KSR2: variants seen among roughly 807,000 people sequenced by gnomAD.
The protein encoded by KSR2 is kinase suppressor of ras 2.
KSR2 carries 25 observed loss-of-function variants against 107.8 expected under a neutral mutation model. That is an observed-to-expected ratio of 0.23 (90% confidence interval 0.17 to 0.32). The LOEUF is 0.32. Among genes scored for constraint, KSR2 ranks in the 10% least tolerant of loss-of-function variants. The pLI, the probability that KSR2 is intolerant of heterozygous loss-of-function variation, is 1.00. For missense variants in KSR2, 887 were observed against 1,268.9 expected (o/e 0.70, Z 4.57); for synonymous variants, 480 against 507.0 (o/e 0.95, Z 0.71).
At position 117,927,089 on chromosome 12, in the gene KSR2, T is replaced by C. The variant is rs1015184663; in HGVS notation, c.180+40987A>G. On this transcript the variant is annotated intron_variant, in intron 1 of 19. Coordinates refer to ENST00000339824, the MANE Select transcript of KSR2 (RefSeq NM_173598.6). ...TATAATTTTTTTAAAAAAAGGACCA[T>C]GGCCGGGCACGGTGGCTCTTGCCTG... Among the ~76,000 whole-genome samples the C allele has an allele frequency of 4.9e-4, 75 of 152,074 alleles. 3 individuals carry two copies. Among genetic ancestry groups the C allele is most frequent in the South Asian group, 2.1e-4 (1 of 4,826 alleles).
At chr12:117,882,512 T>G (rs941459172) in intron 1 of KSR2, among the ~76,000 whole-genome samples, 1 of 151,752 alleles carries the variant, frequency 6.6e-6, no homozygotes, top group Non-Finnish European at 1.5e-5. Context: ...CATCCATCCA[T>G]CCACTCATCC....
chr12:117,958,683 C>T (rs1363640772), intron 1 of KSR2, among the ~76,000 whole-genome samples: 3 of 151,922 alleles, frequency 2.0e-5, no homozygotes, highest in East Asian at 3.9e-4. Context: ...CAGCTGGGTG[C>T]GGTGGAATGC....
intron 5 of KSR2, among the ~76,000 whole-genome samples, chr12:117,626,566 GAGAC>G (rs1183120097): frequency 6.6e-6 from 1 of 152,226 alleles, no homozygotes; most frequent in Non-Finnish European, 1.5e-5. Flanking sequence ...TGTCGTCTGA[GAGAC>G]AGTTTGTTGT....
intron 14 of KSR2, among the ~76,000 whole-genome samples, chr12:117,510,968 G>A (rs548507173): frequency 6.6e-6 from 1 of 151,638 alleles, no homozygotes; most frequent in African/African-American, 2.4e-5. Context: ...TATTTTCAGA[G>A]CCTTATGTCT....
intron 4 of KSR2, among the ~76,000 whole-genome samples, chr12:117,720,544 C>T (rs1887165917): frequency 6.6e-6 from 1 of 152,216 alleles, no homozygotes; most frequent in Non-Finnish European, 1.5e-5. Context: ...TCCTGATTGG[C>T]ATCCCTGTAA....
rs1224394859 is a variant in KSR2 at position 117,462,263 on chromosome 12, A to C, written c.*4936T>G. On this transcript the variant is annotated 3_prime_UTR_variant, in exon 20 of 20. Transcript: ENST00000339824. ...AAAAAAAAAAAAAAAAAAAAAAGAC[A>C]TGTTGAAGTCCTCATTCCTAGTACC... 7.1e-6 allele frequency: 1 copy of C among 141,230 alleles called. No individual in the cohort carries two copies. The highest frequency in any genetic ancestry group is 7.1e-5 in the Admixed American group (1 of 14,108). The allele number at this position is 141,230 out of a possible 1,614,324, so 8.7% of individuals were successfully genotyped here.
chr12:117,538,947 T>C (rs541505146), intron 10 of KSR2, among the ~76,000 whole-genome samples: 3 of 152,024 alleles, frequency 2.0e-5, no homozygotes, highest in African/African-American at 7.2e-5. Context: ...CTGGAAGAGA[T>C]GGGGAGATTC....
chr12:117,592,166 C>T (rs1360350981), intron 5 of KSR2, among the ~76,000 whole-genome samples: 3 of 150,634 alleles, frequency 2.0e-5, no homozygotes, highest in East Asian at 2.0e-4. Context: ...CAGGCTGGAG[C>T]GCAATGGAGC....
intron 14 of KSR2, among the ~76,000 whole-genome samples, chr12:117,516,255 C>T (rs4767551): frequency 0.42 from 64,002 of 151,850 alleles, 13,635 homozygotes; most frequent in South Asian, 0.55. Flanking sequence ...CCCAACCTTT[C>T]GTCCAAGCTT....
Position 117,770,054 on chromosome 12 carries a change from C to CAAA in KSR2, c.473-8533_473-8531dup, listed in dbSNP as rs57470150. ...GGATGACAAGAGTGAAACTCCATCTCAAAAAAAAAAAAAGAATCATCCAGT... is the reference window on the plus strand; with the variant it reads ...GGATGACAAGAGTGAAACTCCATCTCAAAAAAAAAAAAAAAAGAATCATCCAGT... On this transcript the variant is annotated intron_variant, in intron 3 of 19. Coordinates refer to ENST00000339824, the MANE Select transcript of KSR2 (RefSeq NM_173598.6). Among the ~76,000 whole-genome samples, 276 of 137,858 alleles carry CAAA rather than the reference C, an allele frequency of 2.0e-3. 1 individual carries two copies. Among genetic ancestry groups the CAAA allele is most frequent in the African/African-American group, 6.9e-3 (264 of 38,370 alleles). 90.4% of individuals were successfully genotyped at this position (137,858 alleles called of 152,430 possible).
At chr12:117,877,141 A>T (rs940715215) in intron 1 of KSR2, among the ~76,000 whole-genome samples, 10 of 152,192 alleles carry the variant, frequency 6.6e-5, no homozygotes, top group Non-Finnish European at 1.0e-4. Flanking sequence ...GTTCAAGACC[A>T]GCCTGGCCAA....
In KSR2 at chr12:117,579,329, G is replaced by A. The variant is rs1879498193; in HGVS notation, c.1242-127C>T. ...TCCAGTCCTGTTTCTTTCGAGCTGT[G>A]TGACTTAATCAAGTTGCTTAAACCA... On this transcript the variant is annotated intron_variant, in intron 6 of 19. Coordinates refer to ENST00000339824, the MANE Select transcript of KSR2 (RefSeq NM_173598.6). The A allele has an allele frequency of 1.5e-5, 11 of 719,292 alleles. 1 individual carries two copies. The South Asian group carries it at 1.8e-4, about 11-fold the overall frequency. 44.6% of individuals were successfully genotyped at this position (719,292 alleles called of 1,614,324 possible).
At chr12:117,951,052 C>T (rs1277571979) in intron 1 of KSR2, among the ~76,000 whole-genome samples, 5 of 151,828 alleles carry the variant, frequency 3.3e-5, no homozygotes, top group African/African-American at 4.8e-5. Context: ...GGACTACAGG[C>T]GCCCGCCACC....
At chr12:117,639,436 TC>T (rs1433983854) in intron 5 of KSR2, among the ~76,000 whole-genome samples, 4 of 151,168 alleles carry the variant, frequency 2.6e-5, no homozygotes, top group African/African-American at 9.7e-5. Flanking sequence ...TTCAAGCAAT[TC>T]TCGTGCCTCA....
At chr12:117,562,963 G>A (rs941990849) in intron 7 of KSR2, among the ~76,000 whole-genome samples, 1 of 152,062 alleles carries the variant, frequency 6.6e-6, no homozygotes, top group Admixed American at 6.5e-5. Context: ...TAATAGAGTC[G>A]GCAGGATTAG....
chr12:117,704,067 G>A (rs1231001459), intron 4 of KSR2, among the ~76,000 whole-genome samples: 1 of 152,048 alleles, frequency 6.6e-6, no homozygotes, highest in East Asian at 1.9e-4. Flanking sequence ...TCCAATAGAA[G>A]ACCTATAATC....
At chr12:117,695,721 A>AC (rs1484546929) in intron 4 of KSR2, among the ~76,000 whole-genome samples, 4 of 151,926 alleles carry the variant, frequency 2.6e-5, no homozygotes, top group African/African-American at 4.8e-5. Flanking sequence ...AAACAAACAA[A>AC]AAAAAAAACA....
chr12:117,524,478 C>G (rs900488974), intron 14 of KSR2, among the ~76,000 whole-genome samples: 11 of 151,960 alleles, frequency 7.2e-5, no homozygotes, highest in African/African-American at 2.7e-4. Context: ...CCATCCTGGG[C>G]AACATAGCAA....
chr12:117,557,106 A>T (rs1001809540), intron 8 of KSR2, among the ~76,000 whole-genome samples: 1 of 152,198 alleles, frequency 6.6e-6, no homozygotes, highest in Non-Finnish European at 1.5e-5. Context: ...CAGAGGTTGC[A>T]GTGAGCTGAG....
Sources: allele counts gnomAD v4.1 joint callset (sites outside exome capture counted in the v4.1 genomes callset), GRCh38; gene constraint gnomAD v4.1.1; transcripts MANE v1.5; gene names NCBI Gene and HGNC (gene_info 2026-07-23, HGNC 2026-07-21).